FOXK2: variants seen among roughly 807,000 people sequenced by gnomAD.
FOXK2 encodes forkhead box K2, also known as forkhead box protein K2.
FOXK2 carries 24 observed loss-of-function variants against 53.3 expected under a neutral mutation model. The observed-to-expected ratio is 0.45, with a 90% CI of 0.33 to 0.63. The LOEUF is 0.63. Among genes scored for constraint, FOXK2 ranks in the 30% least tolerant of loss-of-function variants. The pLI, the probability that FOXK2 is intolerant of heterozygous loss-of-function variation, is 0.03. For missense variants in FOXK2, 952 were observed against 910.5 expected (o/e 1.05, Z -0.59); for synonymous variants, 505 against 407.1 (o/e 1.24, Z -2.89).
chr17:82,561,970 G>A (rs1004457250), intron 1 of FOXK2, among the ~76,000 whole-genome samples: 6 of 152,170 alleles, frequency 3.9e-5, no homozygotes, highest in South Asian at 4.1e-4. Flanking sequence ...CGCCGGGTGC[G>A]CGGATGTGTG....
intron 2 of FOXK2, among the ~76,000 whole-genome samples, chr17:82,567,282 A>G (rs762039443): frequency 5.3e-5 from 8 of 152,158 alleles, no homozygotes; most frequent in African/African-American, 9.7e-5. Flanking sequence ...TTCCATTTCA[A>G]TGGCTCGTTC....
intron 8 of FOXK2, among the ~76,000 whole-genome samples, chr17:82,590,751 G>A (rs1598236697): frequency 6.6e-6 from 1 of 152,182 alleles, no homozygotes; most frequent in African/African-American, 2.4e-5. Context: ...GTAGTGTAGT[G>A]TATTACCCCA....
intron 1 of FOXK2, among the ~76,000 whole-genome samples, chr17:82,552,507 G>A (rs114316872): frequency 2.6e-5 from 4 of 151,220 alleles, no homozygotes; most frequent in Admixed American, 6.6e-5. Context: ...CCCTCCTGTC[G>A]CTTTAATCCT....
chr17:82,597,052 G>C (rs1325547677), intron 8 of FOXK2, among the ~76,000 whole-genome samples: 1 of 152,188 alleles, frequency 6.6e-6, no homozygotes, highest in Non-Finnish European at 1.5e-5. Flanking sequence ...GCGCCTCTGG[G>C]TGTGCCCAGG....
At chr17:82,571,282 A>G (rs1443217618) in intron 3 of FOXK2, among the ~76,000 whole-genome samples, 7 of 152,066 alleles carry the variant, frequency 4.6e-5, no homozygotes, top group Non-Finnish European at 1.0e-4. Flanking sequence ...ATGTTTTCGA[A>G]TTGTATTACT....
intron 1 of FOXK2, among the ~76,000 whole-genome samples, chr17:82,550,502 C>CTT (rs1304088522): frequency 0.011 from 1,337 of 126,838 alleles, 31 homozygotes; most frequent in African/African-American, 0.033. Context: ...CTGAGGCGGG[C>CTT]TTTTTTTTTT....
intron 1 of FOXK2, among the ~76,000 whole-genome samples, chr17:82,531,282 T>A (rs907128955): frequency 6.6e-6 from 1 of 152,152 alleles, no homozygotes; most frequent in Non-Finnish European, 1.5e-5. Flanking sequence ...TGAGTTTGGA[T>A]TGGGTGACTA....
At chr17:82,564,392 G>T (rs898597169) in intron 2 of FOXK2, among the ~76,000 whole-genome samples, 7 of 118,758 alleles carry the variant, frequency 5.9e-5, no homozygotes, top group South Asian at 3.2e-4. Flanking sequence ...TTTTTTGTTT[G>T]TTTGTTTGTT....
At chr17:82,540,095 A>G (rs552275632) in intron 1 of FOXK2, among the ~76,000 whole-genome samples, 315 of 152,348 alleles carry the variant, frequency 2.1e-3, no homozygotes, top group African/African-American at 6.8e-3. Context: ...AGCCTGGCCA[A>G]TATGGTGAAA....
chr17:82,569,522 G>A (rs1472739649), intron 3 of FOXK2, among the ~76,000 whole-genome samples: 1 of 152,226 alleles, frequency 6.6e-6, no homozygotes, highest in Non-Finnish European at 1.5e-5. Context: ...GATGCTGGTG[G>A]TGCCCTGTCT....
At chr17:82,552,556 A>T (rs565252718) in intron 1 of FOXK2, among the ~76,000 whole-genome samples, 2 of 152,210 alleles carry the variant, frequency 1.3e-5, no homozygotes, top group East Asian at 3.9e-4. Context: ...GTCTTCTGTG[A>T]CATTGATATT....
At chr17:82,534,074 CAAA>C (rs781376612) in intron 1 of FOXK2, among the ~76,000 whole-genome samples, 4 of 127,258 alleles carry the variant, frequency 3.1e-5, no homozygotes, top group Admixed American at 7.9e-5. Context: ...GACACTGTCT[CAAA>C]AAAAAAAAAA....
chr17:82,541,635 CAAATG>C (rs749816491), intron 1 of FOXK2, among the ~76,000 whole-genome samples: 8 of 152,062 alleles, frequency 5.3e-5, no homozygotes, highest in Non-Finnish European at 1.0e-4. Flanking sequence ...ATATGACACT[CAAATG>C]AAAACTGATA....
chr17:82,566,793 A>G (rs1290846160), intron 2 of FOXK2, among the ~76,000 whole-genome samples: 3 of 152,098 alleles, frequency 2.0e-5, no homozygotes, highest in African/African-American at 7.2e-5. Context: ...GACCTTTGTC[A>G]GGGGGAACCC....
chr17:82,557,006 C>G (rs2044732423), intron 1 of FOXK2, among the ~76,000 whole-genome samples: 1 of 141,312 alleles, frequency 7.1e-6, no homozygotes, highest in Admixed American at 7.1e-5. Flanking sequence ...TCCAGCCTCT[C>G]TTTTATTTTT....
rs533305713 is a variant in FOXK2, at chr17:82,603,196, C to T, written c.*1697C>T. ...AGCAAAACCATCACGTGACTGAGACCGTGTGTGTGACCGCAGCAAAGCGCA... is the reference window on the plus strand; with the variant it reads ...AGCAAAACCATCACGTGACTGAGACTGTGTGTGTGACCGCAGCAAAGCGCA... On this transcript the variant is annotated 3_prime_UTR_variant, in exon 9 of 9. Transcript: ENST00000335255. 19 of 152,410 alleles carry T rather than the reference C, an allele frequency of 1.2e-4. No homozygotes were observed. Among genetic ancestry groups the T allele is most frequent in the African/African-American group, 4.6e-4 (19 of 41,584 alleles). The allele number at this position is 152,410 out of a possible 1,614,324, so 9.4% of individuals were successfully genotyped here. A position where few individuals can be genotyped will look rare whatever the true frequency, so the allele number is the denominator to read the frequency against.
At chr17:82,570,025 A>G (rs866639295) in intron 3 of FOXK2, among the ~76,000 whole-genome samples, 87 of 150,822 alleles carry the variant, frequency 5.8e-4, no homozygotes, top group African/African-American at 2.0e-3. Flanking sequence ...GATCGAGACC[A>G]TCCTGGCTAA....
chr17:82,581,547 C>G lies in FOXK2; in HGVS notation c.910-1194C>G, dbSNP rs533314532. 6.0e-5 allele frequency among the ~76,000 whole-genome samples: 9 copies of G among 150,464 alleles called. No homozygotes were observed. In the Admixed American group the frequency reaches 6.0e-4, roughly 10 times the overall value. The stretch of plus-strand genomic sequence containing the variant: ...CTGGAGTGCAGTGGCGCAATCTCGG[C>G]TCACTGCAAGCTCTGCCTCCCGGGT... On this transcript the variant is annotated intron_variant, in intron 4 of 8. Coordinates refer to ENST00000335255, the MANE Select transcript of FOXK2 (RefSeq NM_004514.4).
At chr17:82,577,394 A>G (rs1598222879) in intron 4 of FOXK2, 3 of 487,550 alleles carry the variant, frequency 6.2e-6, no homozygotes, top group Non-Finnish European at 7.6e-6. Context: ...GGTGTCCATC[A>G]CTGCAGCCCC....
Sources: allele counts gnomAD v4.1 joint callset (sites outside exome capture counted in the v4.1 genomes callset), GRCh38; gene constraint gnomAD v4.1.1; transcripts MANE v1.5; gene names NCBI Gene and HGNC (gene_info 2026-07-23, HGNC 2026-07-21).